The following CNTNAP2 variants were observed in gnomAD, a reference collection of about 807,000 sequenced individuals.
The protein encoded by CNTNAP2 is contactin associated protein 2, also known as contactin-associated protein-like 2.
A neutral mutation model predicts 155.2 loss-of-function variants in CNTNAP2; 98 were observed. The ratio of observed to expected loss-of-function variants is 0.63; its 90% confidence interval spans 0.54 to 0.75. CNTNAP2 has a LOEUF of 0.75. Ranked by LOEUF, CNTNAP2 falls within the 30% of genes least tolerant of loss-of-function variation. CNTNAP2 has a pLI of 0.00. For synonymous variants in CNTNAP2, 651 were observed against 631.2 expected (o/e 1.03, Z -0.47); for missense variants, 1,727 against 1,688.1 (o/e 1.02, Z -0.40).
At chr7:146,808,972 G>A (rs934037360) in intron 2 of CNTNAP2, among the ~76,000 whole-genome samples, 1 of 152,148 alleles carries the variant, frequency 6.6e-6, no homozygotes, top group African/African-American at 2.4e-5. Context: ...ACCTGTTGAT[G>A]GACACTTATG....
At chr7:146,238,508 G>C (rs1464519771) in intron 1 of CNTNAP2, among the ~76,000 whole-genome samples, 2 of 151,942 alleles carry the variant, frequency 1.3e-5, no homozygotes, top group Non-Finnish European at 2.9e-5. Context: ...ACCATGGTGA[G>C]GCACAAAAAA....
chr7:148,232,646 T>C (rs986107398), intron 20 of CNTNAP2, among the ~76,000 whole-genome samples: 1 of 152,250 alleles, frequency 6.6e-6, no homozygotes, highest in Non-Finnish European at 1.5e-5. Context: ...TATTTATTTA[T>C]AGTCAAAGAA....
chr7:146,532,040 C>T (rs1180922266), intron 1 of CNTNAP2, among the ~76,000 whole-genome samples: 1 of 151,660 alleles, frequency 6.6e-6, no homozygotes, highest in Non-Finnish European at 1.5e-5. Context: ...AAATTACAAT[C>T]TTGGCGATAA....
intron 11 of CNTNAP2, among the ~76,000 whole-genome samples, chr7:147,551,722 C>A (rs1584807682): frequency 6.6e-6 from 1 of 152,212 alleles, no homozygotes; most frequent in East Asian, 1.9e-4. Context: ...ATGCTAATAT[C>A]TTGTTGCTGT....
At chr7:146,740,465 T>C (rs1411351305) in intron 1 of CNTNAP2, among the ~76,000 whole-genome samples, 1 of 152,222 alleles carries the variant, frequency 6.6e-6, no homozygotes, top group Non-Finnish European at 1.5e-5. Flanking sequence ...ATGATGTCAC[T>C]GGCACCTTAA....
At chr7:146,927,499 C>A (rs1465936918) in intron 3 of CNTNAP2, among the ~76,000 whole-genome samples, 6 of 149,860 alleles carry the variant, frequency 4.0e-5, no homozygotes, top group African/African-American at 1.5e-4. Context: ...AATAGATTAA[C>A]TTTAAAACAT....
At chr7:146,582,564 A>C (rs1188092373) in intron 1 of CNTNAP2, among the ~76,000 whole-genome samples, 2 of 152,172 alleles carry the variant, frequency 1.3e-5, no homozygotes, top group Non-Finnish European at 2.9e-5. Context: ...AAGGTCAGAC[A>C]CTTGGAATTG....
Position 148,286,720 on chromosome 7 carries a change from C to T in CNTNAP2, c.3475+19594C>T, listed in dbSNP as rs1010970979. Among the ~76,000 whole-genome samples the T allele has an allele frequency of 2.0e-5, 3 of 152,092 alleles. No individual in the cohort carries two copies. The East Asian group carries it at 5.8e-4, about 29-fold the overall frequency. Reference sequence around the variant, plus strand: ...AATTAAACAAAGTGACTTAGCCTTGCAAATAAAACACTATCGTGTGGATTA... The same window carrying T: ...AATTAAACAAAGTGACTTAGCCTTGTAAATAAAACACTATCGTGTGGATTA... On this transcript the variant is annotated intron_variant, in intron 21 of 23. Coordinates refer to ENST00000361727, the MANE Select transcript of CNTNAP2 (RefSeq NM_014141.6).
At chr7:146,628,280 A>G (rs1799453337) in intron 1 of CNTNAP2, among the ~76,000 whole-genome samples, 1 of 152,122 alleles carries the variant, frequency 6.6e-6, no homozygotes, top group African/African-American at 2.4e-5. Context: ...GATTGTCCCA[A>G]CAAAATTTTA....
At chr7:147,717,728 A>G (rs956638120) in intron 13 of CNTNAP2, among the ~76,000 whole-genome samples, 4 of 152,088 alleles carry the variant, frequency 2.6e-5, no homozygotes, top group Non-Finnish European at 5.9e-5. Context: ...TTAAAAAAGC[A>G]AACAGCCAGA....
At chr7:147,573,763 A>C (rs1294718371) in intron 12 of CNTNAP2, among the ~76,000 whole-genome samples, 1 of 152,118 alleles carries the variant, frequency 6.6e-6, no homozygotes, top group Non-Finnish European at 1.5e-5. Context: ...CATCTTCACC[A>C]TGTCTGTGTT....
At chr7:146,797,187 G>T (rs757702128) in intron 2 of CNTNAP2, among the ~76,000 whole-genome samples, 54 of 152,152 alleles carry the variant, frequency 3.5e-4, no homozygotes, top group Non-Finnish European at 6.8e-4. Flanking sequence ...CTGAAAAAGG[G>T]TGGGCCAGTT....
intron 13 of CNTNAP2, among the ~76,000 whole-genome samples, chr7:147,778,577 T>C (rs1797621790): frequency 6.6e-6 from 1 of 152,222 alleles, no homozygotes; most frequent in African/African-American, 2.4e-5. Context: ...TGTAGTTTCA[T>C]GGAGGCCACA....
chr7:146,426,385 GTATATA>G (rs71794213), intron 1 of CNTNAP2, among the ~76,000 whole-genome samples: 6,355 of 134,986 alleles, frequency 0.047, 367 homozygotes, highest in African/African-American at 0.13. Context: ...AAAACAAAAT[GTATATA>G]TATATATATA....
At chr7:146,378,928 A>G (rs1795342980) in intron 1 of CNTNAP2, among the ~76,000 whole-genome samples, 1 of 152,250 alleles carries the variant, frequency 6.6e-6, no homozygotes, top group South Asian at 2.1e-4. Context: ...AGATAAAAAT[A>G]CAAGGACCAT....
At chr7:148,120,947 G>A (rs1339490877) in intron 16 of CNTNAP2, among the ~76,000 whole-genome samples, 1 of 152,170 alleles carries the variant, frequency 6.6e-6, no homozygotes, top group Non-Finnish European at 1.5e-5. Flanking sequence ...CAAACCAAAA[G>A]TGGTGCTTTC....
intron 1 of CNTNAP2, among the ~76,000 whole-genome samples, chr7:146,538,150 T>A (rs1242493086): frequency 6.6e-6 from 1 of 151,992 alleles, no homozygotes; most frequent in Non-Finnish European, 1.5e-5. Context: ...TGAGAAGTAA[T>A]CTGGTTTTGG....
chr7:146,330,973 G>A (rs911713691), intron 1 of CNTNAP2, among the ~76,000 whole-genome samples: 24 of 152,170 alleles, frequency 1.6e-4, no homozygotes, highest in African/African-American at 5.8e-4. Flanking sequence ...CAAATTGCCT[G>A]TAAGATATAA....
chr7:147,974,840 A>T (rs1347503970), intron 14 of CNTNAP2, among the ~76,000 whole-genome samples: 1 of 152,054 alleles, frequency 6.6e-6, no homozygotes, highest in Non-Finnish European at 1.5e-5. Context: ...AATGAAGGCT[A>T]ATAAGTAACA....
Sources: allele counts gnomAD v4.1 joint callset (sites outside exome capture counted in the v4.1 genomes callset), GRCh38; gene constraint gnomAD v4.1.1; transcripts MANE v1.5; gene names NCBI Gene and HGNC (gene_info 2026-07-23, HGNC 2026-07-21).